Variants in DNAI4 observed in about 807,000 individuals in gnomAD.
DNAI4 encodes the protein WD repeat domain 78.
In DNAI4, 85 loss-of-function variants were observed where a neutral mutation model predicts 105.8. The ratio of observed to expected loss-of-function variants is 0.80; its 90% CI spans 0.67 to 0.96. DNAI4 has a LOEUF of 0.96. Among genes scored for constraint, DNAI4 ranks in the 40% least tolerant of loss-of-function variants. DNAI4 has a pLI of 0.00. For synonymous variants in DNAI4, 352 were observed against 331.5 expected (o/e 1.06, Z -0.67); for missense variants, 1,014 against 1,005.6 (o/e 1.01, Z -0.11).
intron 1 of DNAI4, 97 bp downstream of exon 1, chr1:66,924,565 A>G: frequency 6.6e-7 from 1 of 1,508,404 alleles, no homozygotes; most frequent in Non-Finnish European, 9.2e-7. Context: ...CAGTTAGGGT[A>G]GGGCCCCTTT....
intron 16 of DNAI4, among the ~76,000 whole-genome samples, chr1:66,814,795 C>T (rs1645483289): frequency 1.3e-5 from 2 of 152,164 alleles, no homozygotes; most frequent in African/African-American, 4.8e-5. Flanking sequence ...ACCTGTTAAA[C>T]TTACTGATAT....
At chr1:66,899,735 T>C (rs865993737) in intron 2 of DNAI4, among the ~76,000 whole-genome samples, 1 of 152,218 alleles carries the variant, frequency 6.6e-6, no homozygotes, top group African/African-American at 2.4e-5. Context: ...TTGAATTAGT[T>C]TGAAAATATG....
chr1:66,847,524 C>A lies in DNAI4; in HGVS notation c.1251G>T (p.Gln417His), dbSNP rs1407107603. ...MERVLMENIF[Q>H]PKLAAYRQLP... ...GCTGACGATAAGCTGCAAGTTTGGGCTGAAATATATTTTCCATCAGAACCC... is the reference window on the plus strand; with the variant it reads ...GCTGACGATAAGCTGCAAGTTTGGGATGAAATATATTTTCCATCAGAACCC... Residue 417 changes from glutamine (Q) to histidine (H), a missense_variant, in exon 8 of 17, where the codon CAG becomes CAT. Coordinates refer to ENST00000371026, the MANE Select transcript of DNAI4 (RefSeq NM_024763.5). 3.1e-6 allele frequency: 5 copies of A among 1,613,092 alleles called. No individual in the cohort carries two copies. In the Admixed American group the frequency reaches 5.0e-5, roughly 16 times the overall value.
intron 8 of DNAI4, among the ~76,000 whole-genome samples, chr1:66,845,802 G>A (rs1646262643): frequency 1.3e-5 from 2 of 148,958 alleles, no homozygotes. Flanking sequence ...ACCAGAATAG[G>A]GAAAGTTAAT....
chr1:66,913,842 C>T (rs1439392920), intron 1 of DNAI4, among the ~76,000 whole-genome samples: 1 of 152,014 alleles, frequency 6.6e-6, no homozygotes, highest in Admixed American at 6.5e-5. Context: ...ATTAGCCAGG[C>T]GTGGTGGCGG....
intron 15 of DNAI4, among the ~76,000 whole-genome samples, chr1:66,825,521 G>A (rs1161939651): frequency 6.6e-6 from 1 of 152,168 alleles, no homozygotes; most frequent in Non-Finnish European, 1.5e-5. Flanking sequence ...TTATCCAAAT[G>A]AACCTCTGGA....
At chr1:66,819,239 G>C (rs188978148) in intron 16 of DNAI4, among the ~76,000 whole-genome samples, 33 of 152,120 alleles carry the variant, frequency 2.2e-4, no homozygotes, top group Admixed American at 4.6e-4. Flanking sequence ...CCTCAGTCAG[G>C]AATAACAATT....
At chr1:66,822,571 T>C in intron 15 of DNAI4, 54 bp from the exon 16 acceptor site, 26 of 1,360,172 alleles carry the variant, frequency 1.9e-5, no homozygotes, top group Non-Finnish European at 2.4e-5. Context: ...TATGGTCTTT[T>C]AAATAGACAA....
chr1:66,918,812 G>A (rs971801618), intron 1 of DNAI4, among the ~76,000 whole-genome samples: 8 of 152,226 alleles, frequency 5.3e-5, no homozygotes, highest in African/African-American at 1.9e-4. Context: ...AAAAGAAATG[G>A]GGGAAATGTA....
chr1:66,892,991 A>AAGAAAGAG (rs1310148033), intron 3 of DNAI4, among the ~76,000 whole-genome samples: 16 of 108,062 alleles, frequency 1.5e-4, no homozygotes, highest in South Asian at 5.0e-4. Flanking sequence ...GAAAGAAAGA[A>AAGAAAGAG]AGAAAGAGAG....
At chr1:66,824,782 T>C (rs1645713906) in intron 15 of DNAI4, among the ~76,000 whole-genome samples, 1 of 152,218 alleles carries the variant, frequency 6.6e-6, no homozygotes, top group Non-Finnish European at 1.5e-5. Flanking sequence ...TTTGCTGAAG[T>C]TGCTTATCAG....
intron 7 of DNAI4, among the ~76,000 whole-genome samples, chr1:66,849,996 C>G (rs1221923446): frequency 6.6e-6 from 1 of 151,866 alleles, no homozygotes; most frequent in Non-Finnish European, 1.5e-5. Flanking sequence ...TGAAAAAGTA[C>G]TTAAAGAAAT....
intron 5 of DNAI4, among the ~76,000 whole-genome samples, chr1:66,872,217 ATTATTTATTTAT>A (rs1553222758): frequency 6.8e-5 from 8 of 117,498 alleles, no homozygotes; most frequent in South Asian, 4.7e-4. Flanking sequence ...TTATTTATTT[ATTATTTATTTAT>A]TTATTTATTT....
rs748669010 is a variant in DNAI4, at chr1:66,871,520, T to A, written c.801-11A>T. ...TTCTTGTTTCTCTGACTGTAAAAAA[T>A]AAAGTGTATCCAACTCATTAATAAG... On this transcript the variant is annotated splice_polypyrimidine_tract_variant and intron_variant, in intron 5 of 16. Transcript: ENST00000371026. 1 of 1,577,942 alleles carries A rather than the reference T, an allele frequency of 6.3e-7. No homozygotes were observed. The highest frequency in any genetic ancestry group is 8.6e-7 in the Non-Finnish European group (1 of 1,164,428).
intron 16 of DNAI4, among the ~76,000 whole-genome samples, chr1:66,820,479 T>C (rs929769190): frequency 1.1e-4 from 16 of 152,080 alleles, no homozygotes; most frequent in Non-Finnish European, 2.2e-4. Context: ...AAACACTGTT[T>C]TCATAGAGTT....
rs74863285 is a variant in DNAI4 at position 66,816,297 on chromosome 1, C to G, written c.2497-2117G>C. Among the ~76,000 whole-genome samples, 1,331 of 152,160 alleles carry G rather than the reference C, an allele frequency of 8.7e-3. 18 individuals carry two copies. Among genetic ancestry groups the G allele is most frequent in the African/African-American group, 0.031 (1,278 of 41,514 alleles). On this transcript the variant is annotated intron_variant, in intron 16 of 16. Transcript: ENST00000371026. ...TACTGTTCTTCCCTTTCCCTCACGTCCCGGGGGCAGCCTTTATCATAAATT... is the reference window on the plus strand; with the variant it reads ...TACTGTTCTTCCCTTTCCCTCACGTGCCGGGGGCAGCCTTTATCATAAATT...
Position 66,890,303 on chromosome 1 carries a change from G to C in DNAI4, c.643+851C>G, listed in dbSNP as rs1647484753. The C allele has an allele frequency of 6.6e-6, 1 of 152,292 alleles. No homozygotes were observed. The highest frequency in any genetic ancestry group is 1.5e-5 in the Non-Finnish European group (1 of 68,410). 9.4% of individuals were successfully genotyped at this position (152,292 alleles called of 1,614,324 possible). A position where few individuals can be genotyped will look rare whatever the true frequency, so the allele number is the denominator to read the frequency against. On this transcript the variant is annotated intron_variant, in intron 4 of 16. Transcript: ENST00000371026. The surrounding 1 kb of genome is among the most constrained non-coding windows in gnomAD (Gnocchi z 4.1). ...TGACAGAGTGAGATCCTGAGAAGAA[G>C]AAGAAAGAAGAGGCCAGGCACAGTG...
intron 16 of DNAI4, among the ~76,000 whole-genome samples, chr1:66,819,349 TC>T (rs1205556540): frequency 4.6e-5 from 7 of 152,224 alleles, no homozygotes; most frequent in Non-Finnish European, 4.4e-5. Context: ...TCTCTTATTT[TC>T]CTTTTCCTCT....
chr1:66,897,561 C>T (rs1167468995), intron 2 of DNAI4, among the ~76,000 whole-genome samples: 2 of 152,094 alleles, frequency 1.3e-5, no homozygotes, highest in African/African-American at 4.8e-5. Context: ...GCCCAGAGAT[C>T]TAGGAGGGCA....
Sources: allele counts gnomAD v4.1 joint callset (sites outside exome capture counted in the v4.1 genomes callset), GRCh38; gene constraint gnomAD v4.1.1; non-coding constraint Gnocchi (gnomAD v3.1); transcripts MANE v1.5; gene names NCBI Gene and HGNC (gene_info 2026-07-23, HGNC 2026-07-21).